Variants in DSC1 observed in about 807,000 individuals in gnomAD.
The protein encoded by DSC1 is desmocollin 1, also known as desmocollin-1.
In DSC1, 79 loss-of-function variants were observed where a neutral mutation model predicts 98.8. That is an observed-to-expected ratio of 0.80 (90% CI 0.67 to 0.96). The LOEUF is 0.96. Ranked by LOEUF, DSC1 falls within the 50% of genes least tolerant of loss-of-function variation. The pLI, the probability that DSC1 is intolerant of heterozygous loss-of-function variation, is 0.00. For missense variants in DSC1, 1,115 were observed against 1,075.9 expected, an observed-to-expected ratio of 1.04 and a Z score of -0.51; for synonymous variants, 405 against 372.1, an observed-to-expected ratio of 1.09 and a Z score of -1.02.
At position 31,142,250 on chromosome 18, in the gene DSC1, C is replaced by T. The variant is rs2144931503; in HGVS notation, c.1075-66G>A. On this transcript the variant is annotated intron_variant, in intron 8 of 15. Coordinates refer to ENST00000257198, the MANE Select transcript of DSC1 (RefSeq NM_024421.2). ...GACAATGTAGCTTTATATTCTAAAA[C>T]ACGTATTTAAAGAAAAAAATAAATA... 3.3e-6 allele frequency: 5 copies of T among 1,509,278 alleles called. No individual in the cohort carries two copies. In the South Asian group the frequency reaches 6.3e-5, roughly 19 times the overall value. 93.5% of individuals were successfully genotyped at this position (1,509,278 alleles called of 1,614,324 possible). A position where few individuals can be genotyped will look rare whatever the true frequency, so the allele number is the denominator to read the frequency against.
At position 31,131,723 on chromosome 18, in the gene DSC1, G is replaced by A. The variant is rs114873261; in HGVS notation, c.2358C>T (p.Gly786=). ...TQQSFEMVKG[G]YTLDSNKGGG... ...CTCCTTTGTTGGAATCCAAAGTGTA[G>A]CCTCCTTTGACCATCTCAAAACTTT... The change falls in exon 15 of 16, where the codon GGC becomes GGT. Residue 786 remains glycine, a synonymous_variant. Coordinates refer to ENST00000257198, the MANE Select transcript of DSC1 (RefSeq NM_024421.2). The A allele has an allele frequency of 5.0e-4, 807 of 1,614,086 alleles. 14 individuals are homozygous for A. The East Asian group carries it at 0.017, about 33-fold the overall frequency.
chr18:31,130,863 T>C (rs1227702570), intron 15 of DSC1, 152 bp from the exon 16 acceptor site: 1 of 1,597,112 alleles, frequency 6.3e-7, no homozygotes, highest in Non-Finnish European at 8.5e-7. Flanking sequence ...TGCACAGGAT[T>C]GGTCTGTATT....
intron 11 of DSC1, 47 bp from the exon 12 acceptor site, chr18:31,134,831 T>TTC: frequency 6.6e-7 from 1 of 1,512,672 alleles, no homozygotes; most frequent in Non-Finnish European, 9.1e-7. Flanking sequence ...AAAATGCATT[T>TTC]ATTTTCAACA....
chr18:31,137,835 T>C (rs1290169677), intron 11 of DSC1, among the ~76,000 whole-genome samples: 2 of 152,088 alleles, frequency 1.3e-5, no homozygotes, highest in Admixed American at 1.3e-4. Context: ...TGTAAAACAA[T>C]GCTTTCTCGA....
chr18:31,148,749 C>A, intron 5 of DSC1, 107 bp from the exon 6 acceptor site: 4 of 1,098,784 alleles, frequency 3.6e-6, no homozygotes, highest in Non-Finnish European at 5.1e-6. Flanking sequence ...AAATCATTCC[C>A]AAAGACCCGT....
chr18:31,139,034 T>C (rs1196583452), intron 11 of DSC1, among the ~76,000 whole-genome samples: 1 of 151,954 alleles, frequency 6.6e-6, no homozygotes, highest in African/African-American at 2.4e-5. Flanking sequence ...TACATTAGTA[T>C]AATAGTACAT....
intron 4 of DSC1, among the ~76,000 whole-genome samples, 177 bp from the exon 5 acceptor site, chr18:31,155,106 A>G (rs1162404637): frequency 2.0e-5 from 3 of 152,026 alleles, no homozygotes; most frequent in East Asian, 1.9e-4. Flanking sequence ...TGCATTTTGC[A>G]TTGTGCAAAG....
intron 1 of DSC1, among the ~76,000 whole-genome samples, chr18:31,161,025 C>T (rs376655535): frequency 1.3e-4 from 19 of 151,968 alleles, no homozygotes; most frequent in African/African-American, 4.6e-4. Flanking sequence ...TGGGTTATAC[C>T]TACATGGTAT....
chr18:31,140,414 G>C, intron 9 of DSC1, 113 bp from the exon 10 acceptor site: 1 of 1,203,024 alleles, frequency 8.3e-7, no homozygotes, highest in South Asian at 1.7e-5. Flanking sequence ...GTAACCTAAA[G>C]TTAGGTCTAA....
rs754017936 is a variant in DSC1, at chr18:31,140,137, C to T, written c.1425G>A (p.Val475=). 7 of 1,614,006 alleles carry T rather than the reference C, an allele frequency of 4.3e-6. No homozygotes were observed. Among genetic ancestry groups the T allele is most frequent in the Non-Finnish European group, 5.9e-6 (7 of 1,179,944 alleles). The part of the protein sequence containing the change: ...SDEGPECHPP[V]KVIQSQDGFP... The stretch of plus-strand genomic sequence containing the variant: ...AGCCATCTTGACTCTGAATAACTTT[C>T]ACTGGAGGGTGGCATTCAGGGCCCT... Residue 475 remains valine (V), a synonymous_variant, in exon 10 of 16, where the codon GTG becomes GTA. Transcript: ENST00000257198.
At chr18:31,130,839 C>G (rs1386598233) in intron 15 of DSC1, 128 bp from the exon 16 acceptor site, 1 of 1,608,594 alleles carries the variant, frequency 6.2e-7, no homozygotes, top group East Asian at 2.2e-5. Flanking sequence ...TAATGGATTC[C>G]TATATATAAA....
At chr18:31,149,642 G>A (rs539088389) in intron 5 of DSC1, among the ~76,000 whole-genome samples, 6 of 152,200 alleles carry the variant, frequency 3.9e-5, no homozygotes, top group African/African-American at 1.4e-4. Flanking sequence ...AGATTTTATT[G>A]TGCTTTACAA....
intron 11 of DSC1, among the ~76,000 whole-genome samples, chr18:31,135,206 T>C (rs1365449718): frequency 1.3e-5 from 2 of 152,188 alleles, no homozygotes; most frequent in African/African-American, 4.8e-5. Context: ...TCTCTAGAAA[T>C]GCACTAAGTG....
At position 31,142,031 on chromosome 18, in the gene DSC1, T is replaced by C; in HGVS notation, c.1228A>G (p.Asn410Asp). ...NGNFIISTDPNTNEGVLCVVK... is the reference protein window; with the variant it reads ...NGNFIISTDPDTNEGVLCVVK... ...ACACACAGCACTCCTTCATTTGTAT[T>C]TGGATCTGTGCTAATTATGAAGTTT... is the stretch of plus-strand genomic sequence containing the variant. The change falls in exon 9 of 16, where the codon AAT becomes GAT. Residue 410 changes from asparagine to aspartate, a missense_variant. Physicochemically the swap from Asn to Asp is conservative, Grantham distance 23. Transcript: ENST00000257198. 1 of 1,609,652 alleles carries C rather than the reference T, an allele frequency of 6.2e-7. No individual in the cohort carries two copies. The highest frequency in any genetic ancestry group is 1.1e-5 in the South Asian group (1 of 89,882).
rs1355503310 is a variant in DSC1 at position 31,133,931 on chromosome 18, C to T, written c.2076G>A (p.Trp692Ter). Residue 692 changes from tryptophan to a stop codon, truncating the protein, a stop_gained, in exon 13 of 16, where the codon TGG (tryptophan) becomes TGA (stop). Coordinates refer to ENST00000257198, the MANE Select transcript of DSC1 (RefSeq NM_024421.2). LOFTEE classifies it high-confidence loss of function. ...DVRPNVILGR[W>*]AILAMVLGSV... ...AACCCAACACCATAGCAAGAATAGC[C>T]CATCTTCCAAGTATTACATTTGGTC... 1.2e-6 allele frequency: 2 copies of T among 1,612,902 alleles called. No homozygotes were observed. Among genetic ancestry groups the T allele is most frequent in the African/African-American group, 2.7e-5 (2 of 74,810 alleles).
chr18:31,134,975 G>T (rs572513765), intron 11 of DSC1, among the ~76,000 whole-genome samples, 191 bp from the exon 12 acceptor site: 25 of 152,210 alleles, frequency 1.6e-4, no homozygotes, highest in Non-Finnish European at 2.6e-4. Flanking sequence ...ACTAGGGCTG[G>T]ATCAGATAAT....
In DSC1 at chr18:31,131,750, CTG is replaced by C; in HGVS notation, c.2329_2330del (p.Gln777AlafsTer4). Reference protein sequence around the residue: ...GTVGGQGIKTQQSFEMVKGGY... With the variant: ...GTVGGQGIKTXQSFEMVKGGY... The stretch of plus-strand genomic sequence containing the variant: ...CTCCTTTGACCATCTCAAAACTTTG[CTG>C]TGTTTTGATTCCCTGGCCACCAACA... On this transcript the variant is annotated frameshift_variant, in exon 15 of 16. Coordinates refer to ENST00000257198, the MANE Select transcript of DSC1 (RefSeq NM_024421.2). LOFTEE classifies it high-confidence loss of function. The C allele has an allele frequency of 1.2e-6, 2 of 1,614,112 alleles. No individual in the cohort carries two copies. Among genetic ancestry groups the C allele is most frequent in the Non-Finnish European group, 1.7e-6 (2 of 1,179,974 alleles).
At chr18:31,158,510 G>C (rs1989144612) in intron 2 of DSC1, among the ~76,000 whole-genome samples, 2 of 138,016 alleles carry the variant, frequency 1.4e-5, no homozygotes, top group Admixed American at 7.7e-5. Context: ...ATCTGGCTTG[G>C]AAAGGATACC....
intron 14 of DSC1, 57 bp downstream of exon 14, chr18:31,132,511 A>G: frequency 1.3e-6 from 2 of 1,596,378 alleles, no homozygotes. Flanking sequence ...TTGTTGAGTA[A>G]TAATCTGTCA....
Sources: gnomAD v4.1 joint callset for allele counts (sites outside exome capture counted in the v4.1 genomes callset) on GRCh38, gnomAD v4.1.1 for gene constraint, MANE v1.5 for transcripts, NCBI Gene and HGNC (gene_info 2026-07-23, HGNC 2026-07-21) for gene names.